Variants in FRMD5 observed in about 807,000 individuals in gnomAD.
FRMD5 encodes FERM domain containing 5.
Under a neutral mutation model 69.0 loss-of-function variants are expected in FRMD5, and 20 were observed. The ratio of observed to expected loss-of-function variants is 0.29; its 90% confidence interval spans 0.20 to 0.42. The LOEUF is 0.42. Ranked by LOEUF, FRMD5 falls within the 10% of genes least tolerant of loss-of-function variation. The probability of loss-of-function intolerance (pLI) is 1.00; values close to 1 mark genes in which losing one functional copy is unlikely to be tolerated. For missense variants in FRMD5, 595 were observed against 708.6 expected (o/e 0.84, Z 1.82); for synonymous variants, 271 against 260.1 (o/e 1.04, Z -0.40).
chr15:44,072,745 CCTTT>C lies in FRMD5; in HGVS notation c.102+122204_102+122207del, dbSNP rs1893594402. The stretch of plus-strand genomic sequence containing the variant: ...ATGATTCTAGATGGCAAATATTGTC[CCTTT>C]CAAAGATAAAATTGTCCCAAATTTG... On this transcript the variant is annotated intron_variant, in intron 1 of 13. Transcript: ENST00000417257. Among the ~76,000 whole-genome samples the C allele has an allele frequency of 2.6e-5, 4 of 152,152 alleles. No individual in the cohort carries two copies. The South Asian group carries it at 8.3e-4, about 32-fold the overall frequency.
intron 13 of FRMD5, among the ~76,000 whole-genome samples, chr15:43,878,932 CTTT>C (rs71421808): frequency 8.9e-5 from 10 of 112,900 alleles, no homozygotes; most frequent in African/African-American, 2.6e-4. Context: ...TTTTTCTTTT[CTTT>C]TTTTTTTTTT....
intron 1 of FRMD5, among the ~76,000 whole-genome samples, chr15:44,063,359 C>T (rs979366554): frequency 1.3e-5 from 2 of 152,078 alleles, no homozygotes; most frequent in East Asian, 3.8e-4. Flanking sequence ...TAAATTTATT[C>T]ATGTATTTAT....
intron 1 of FRMD5, chr15:43,989,191 G>A: frequency 1.2e-6 from 1 of 848,210 alleles, no homozygotes. Context: ...CTTGCGCTTG[G>A]GAGGAGCAGT....
intron 1 of FRMD5, among the ~76,000 whole-genome samples, chr15:44,013,966 C>T (rs1890842842): frequency 2.0e-5 from 3 of 151,550 alleles, no homozygotes; most frequent in Admixed American, 2.0e-4. Flanking sequence ...ACACCATTCT[C>T]CTGCCTCAGC....
chr15:44,159,661 T>C lies in FRMD5; in HGVS notation c.102+35292A>G, dbSNP rs141849151. On this transcript the variant is annotated intron_variant, in intron 1 of 13. Transcript: ENST00000417257. ...GAATGAAAATAGGAGAAGCATCAGG[T>C]TGGATCAGGAAGCATTGGTAATTCT... 6.8e-4 allele frequency among the ~76,000 whole-genome samples: 104 copies of C among 152,170 alleles called. 1 individual carries two copies. In the East Asian group the frequency reaches 0.02, roughly 29 times the overall value.
chr15:43,986,241 G>A (rs913356101), intron 1 of FRMD5, among the ~76,000 whole-genome samples: 8 of 152,218 alleles, frequency 5.3e-5, no homozygotes, highest in Admixed American at 2.6e-4. Context: ...AACAAAGTGT[G>A]CGGTGGGGTT....
chr15:43,885,472 G>A (rs944611352), intron 11 of FRMD5, among the ~76,000 whole-genome samples: 4 of 152,134 alleles, frequency 2.6e-5, no homozygotes, highest in Admixed American at 1.3e-4. Flanking sequence ...CACTATGGCC[G>A]GCCAATATAC....
At chr15:43,972,390 T>C (rs1047455821) in intron 1 of FRMD5, among the ~76,000 whole-genome samples, 4 of 152,160 alleles carry the variant, frequency 2.6e-5, no homozygotes, top group African/African-American at 9.7e-5. Flanking sequence ...CCTTACTTTA[T>C]TGAGTTTTAA....
intron 1 of FRMD5, among the ~76,000 whole-genome samples, chr15:43,977,135 CA>C (rs1219456293): frequency 6.6e-6 from 1 of 151,838 alleles, no homozygotes; most frequent in African/African-American, 2.4e-5. Context: ...TGCCCAGCCT[CA>C]TACTAAAGTT....
chr15:43,873,773 A>AGAG lies in FRMD5; in HGVS notation c.*109_*111dup, dbSNP rs1461385622. On this transcript the variant is annotated 3_prime_UTR_variant, in exon 14 of 14. Transcript: ENST00000417257. ...AGGCTGCAGTGGACTTTGAGTCATGAGAGGAGGACTTGGTATATGTGCCGA... is the reference window on the plus strand; with the variant it reads ...AGGCTGCAGTGGACTTTGAGTCATGAGAGGAGGAGGACTTGGTATATGTGCCGA... 17 of 1,535,276 alleles carry AGAG rather than the reference A, an allele frequency of 1.1e-5. No homozygotes were observed. Among genetic ancestry groups the AGAG allele is most frequent in the Non-Finnish European group, 1.5e-5 (17 of 1,144,684 alleles).
chr15:44,034,723 A>C (rs1891832308), intron 1 of FRMD5, among the ~76,000 whole-genome samples: 1 of 152,130 alleles, frequency 6.6e-6, no homozygotes, highest in African/African-American at 2.4e-5. Context: ...AGCTAATTTT[A>C]GATTTAGCTC....
intron 1 of FRMD5, among the ~76,000 whole-genome samples, chr15:44,175,820 G>T (rs2077885018): frequency 1.3e-5 from 2 of 152,004 alleles, no homozygotes; most frequent in Non-Finnish European, 2.9e-5. Flanking sequence ...TAACATGAAT[G>T]AATCTCAAAA....
intron 1 of FRMD5, among the ~76,000 whole-genome samples, chr15:44,192,539 A>G (rs955320632): frequency 2.0e-5 from 3 of 152,220 alleles, no homozygotes; most frequent in Admixed American, 6.5e-5. Context: ...TCCTTTCCAT[A>G]CTGATTTAAA....
chr15:44,011,352 G>C (rs571342066), intron 1 of FRMD5, among the ~76,000 whole-genome samples: 1 of 152,242 alleles, frequency 6.6e-6, no homozygotes, highest in South Asian at 2.1e-4. Flanking sequence ...CAGATGTTTA[G>C]GATATAAATC....
chr15:44,168,279 A>T (rs2077742936), intron 1 of FRMD5, among the ~76,000 whole-genome samples: 1 of 152,210 alleles, frequency 6.6e-6, no homozygotes, highest in African/African-American at 2.4e-5. Flanking sequence ...AGCAAGAGGG[A>T]ATAATGTTAT....
At chr15:44,022,298 G>C (rs1390736481) in intron 1 of FRMD5, among the ~76,000 whole-genome samples, 1 of 149,604 alleles carries the variant, frequency 6.7e-6, no homozygotes, top group Non-Finnish European at 1.5e-5. Flanking sequence ...GGGTGCAGTT[G>C]CTCATGCGTG....
intron 1 of FRMD5, among the ~76,000 whole-genome samples, chr15:44,108,483 A>G (rs558718597): frequency 5.3e-4 from 80 of 152,152 alleles, no homozygotes; most frequent in Non-Finnish European, 1.0e-3. Context: ...CGTCTCTACT[A>G]AAAATACAAA....
intron 1 of FRMD5, among the ~76,000 whole-genome samples, chr15:43,954,686 A>G (rs1288865633): frequency 3.3e-5 from 5 of 152,184 alleles, no homozygotes; most frequent in East Asian, 3.9e-4. Flanking sequence ...TGCCACATCC[A>G]CCTTCTCTTG....
chr15:44,003,542 C>A (rs1341519650), intron 1 of FRMD5, among the ~76,000 whole-genome samples: 1 of 152,124 alleles, frequency 6.6e-6, no homozygotes, highest in Non-Finnish European at 1.5e-5. Context: ...CTTCATCATC[C>A]TACTTTACTC....
Sources: allele counts gnomAD v4.1 joint callset (sites outside exome capture counted in the v4.1 genomes callset), GRCh38; gene constraint gnomAD v4.1.1; transcripts MANE v1.5; gene names NCBI Gene and HGNC (gene_info 2026-07-23, HGNC 2026-07-21).